Variants in TRIO observed in about 807,000 individuals in gnomAD.
TRIO encodes the protein trio Rho guanine nucleotide exchange factor.
In TRIO, 58 loss-of-function variants were observed where a neutral mutation model predicts 351.9. That is an observed-to-expected ratio of 0.16 (90% CI 0.13 to 0.21). The LOEUF is 0.21. Ranked by LOEUF, TRIO falls within the 10% of genes least tolerant of loss-of-function variation. TRIO has a pLI of 1.00. For synonymous variants in TRIO, 1,758 were observed against 1,595.7 expected, an observed-to-expected ratio of 1.10 and a Z score of -2.42; for missense variants, 3,201 against 4,027.8, an observed-to-expected ratio of 0.79 and a Z score of 5.56.
rs181426612 is a variant in TRIO, at chr5:14,447,986, T to C, written c.5204-13033T>C. On this transcript the variant is annotated intron_variant, in intron 34 of 56. Coordinates refer to ENST00000344204, the MANE Select transcript of TRIO (RefSeq NM_007118.4). ...TCTATTCAGGACAATAATAAGTACT[T>C]TATTGCCTTGGGAATAACTTCCCAT... Among the ~76,000 whole-genome samples, 160 of 152,332 alleles carry C rather than the reference T, an allele frequency of 1.1e-3. 1 individual carries two copies. The highest frequency in any genetic ancestry group is 3.8e-3 in the African/African-American group (157 of 41,578).
At chr5:14,375,369 G>C (rs1173627178) in intron 19 of TRIO, among the ~76,000 whole-genome samples, 1 of 150,108 alleles carries the variant, frequency 6.7e-6, no homozygotes, top group Non-Finnish European at 1.5e-5. Flanking sequence ...TGTCTTTTCT[G>C]ATTGAAGATA....
At chr5:14,398,774 G>A in intron 29 of TRIO, 106 bp from the exon 30 acceptor site, 1 of 1,093,322 alleles carries the variant, frequency 9.1e-7, no homozygotes. Flanking sequence ...TCTAGGGTTG[G>A]CCGATGGGCA....
chr5:14,461,089 CG>C lies in TRIO; in HGVS notation c.5278del (p.Ala1760ProfsTer34). ...TGGCTTCCCTCCAGCCCCACATGAT[CG>C]GGGCCCAGAGCTCGCCGGGCCCCAA... The part of the protein sequence containing the change: ...SVASLQPHMI[G>X]AQSSPGPKRP... On this transcript the variant is annotated frameshift_variant, in exon 35 of 57. Coordinates refer to ENST00000344204, the MANE Select transcript of TRIO (RefSeq NM_007118.4). LOFTEE classifies it high-confidence loss of function. The C allele has an allele frequency of 6.4e-7, 1 of 1,573,106 alleles. No homozygotes were observed. The highest frequency in any genetic ancestry group is 8.6e-7 in the Non-Finnish European group (1 of 1,160,206).
chr5:14,239,680 TA>T (rs1794010765), intron 1 of TRIO, among the ~76,000 whole-genome samples: 1 of 152,214 alleles, frequency 6.6e-6, no homozygotes, highest in Non-Finnish European at 1.5e-5. Context: ...GAGCCAACTC[TA>T]AAAACCCACA....
chr5:14,306,450 C>T (rs1304578064), intron 8 of TRIO, among the ~76,000 whole-genome samples: 5 of 152,178 alleles, frequency 3.3e-5, no homozygotes, highest in African/African-American at 1.2e-4. Context: ...AGTTCTTTCC[C>T]GTGATGTGCC....
chr5:14,483,993 G>C (rs1215308112), intron 46 of TRIO, among the ~76,000 whole-genome samples: 1 of 151,828 alleles, frequency 6.6e-6, no homozygotes, highest in Non-Finnish European at 1.5e-5. Context: ...GCCATCATCT[G>C]AACTACACCC....
chr5:14,439,089 C>T (rs765453096), intron 34 of TRIO, among the ~76,000 whole-genome samples: 1 of 152,222 alleles, frequency 6.6e-6, no homozygotes, highest in Non-Finnish European at 1.5e-5. Flanking sequence ...AATCTCAGCT[C>T]ACTGCATCCT....
chr5:14,474,260 A>G (rs1340877084), intron 40 of TRIO, among the ~76,000 whole-genome samples, 163 bp downstream of exon 40: 1 of 152,232 alleles, frequency 6.6e-6, no homozygotes, highest in Non-Finnish European at 1.5e-5. Flanking sequence ...GGAGTTCTGC[A>G]GTAGCATTTG....
chr5:14,153,602 C>T (rs1787951016), intron 1 of TRIO, among the ~76,000 whole-genome samples: 2 of 152,114 alleles, frequency 1.3e-5, no homozygotes, highest in Admixed American at 6.5e-5. Context: ...AGCAGCTCCC[C>T]CTCCTTCAGC....
chr5:14,314,476 G>T (rs2152304144), intron 8 of TRIO, among the ~76,000 whole-genome samples: 1 of 152,292 alleles, frequency 6.6e-6, no homozygotes, highest in South Asian at 2.1e-4. Context: ...TGGTTTTATT[G>T]TGGTCATGTG....
At chr5:14,421,819 T>A (rs1249470752) in intron 34 of TRIO, among the ~76,000 whole-genome samples, 1 of 151,972 alleles carries the variant, frequency 6.6e-6, no homozygotes, top group Non-Finnish European at 1.5e-5. Flanking sequence ...GAGGCCATCA[T>A]CAAAAAGTCG....
chr5:14,240,933 T>A (rs1480646574), intron 1 of TRIO, among the ~76,000 whole-genome samples: 8 of 152,356 alleles, frequency 5.3e-5, no homozygotes, highest in Non-Finnish European at 1.2e-4. Flanking sequence ...TTTTACATTA[T>A]TTTCTTTTGA....
At chr5:14,299,038 A>G (rs1030086285) in intron 7 of TRIO, among the ~76,000 whole-genome samples, 1 of 152,200 alleles carries the variant, frequency 6.6e-6, no homozygotes, top group Non-Finnish European at 1.5e-5. Context: ...ACACACAGAG[A>G]ACATCTTTCA....
chr5:14,372,438 A>C (rs192400074), intron 18 of TRIO, among the ~76,000 whole-genome samples: 1 of 152,156 alleles, frequency 6.6e-6, no homozygotes, highest in Non-Finnish European at 1.5e-5. Flanking sequence ...TGTACTTCCC[A>C]TCAGCCTTTC....
intron 7 of TRIO, among the ~76,000 whole-genome samples, chr5:14,301,580 T>C (rs528192356): frequency 6.6e-6 from 1 of 152,112 alleles, no homozygotes; most frequent in Non-Finnish European, 1.5e-5. Flanking sequence ...GTAACACATA[T>C]GTGTGTGTAT....
At chr5:14,463,654 TG>T (rs1387237844) in intron 36 of TRIO, among the ~76,000 whole-genome samples, 1 of 150,642 alleles carries the variant, frequency 6.6e-6, no homozygotes, top group African/African-American at 2.4e-5. Context: ...AATCATGCTA[TG>T]AAGTCATTAC....
chr5:14,307,393 A>G (rs1417372256), intron 8 of TRIO, among the ~76,000 whole-genome samples: 2 of 152,180 alleles, frequency 1.3e-5, no homozygotes, highest in African/African-American at 2.4e-5. Context: ...TCTCCTTTAA[A>G]ATGGAACGTT....
At chr5:14,411,427 C>G (rs1246459514) in intron 33 of TRIO, among the ~76,000 whole-genome samples, 7 of 152,190 alleles carry the variant, frequency 4.6e-5, no homozygotes, top group African/African-American at 1.7e-4. Flanking sequence ...TGTGGAAAAG[C>G]CGGCCCGAGC....
At chr5:14,329,680 A>C (rs1332075264) in intron 9 of TRIO, among the ~76,000 whole-genome samples, 2 of 152,266 alleles carry the variant, frequency 1.3e-5, no homozygotes, top group African/African-American at 2.4e-5. Flanking sequence ...CTGTGCATTA[A>C]CAAATATGTT....
Sources: allele counts gnomAD v4.1 joint callset (sites outside exome capture counted in the v4.1 genomes callset), GRCh38; gene constraint gnomAD v4.1.1; transcripts MANE v1.5; gene names NCBI Gene and HGNC (gene_info 2026-07-23, HGNC 2026-07-21).